MAST4: variants seen among roughly 807,000 people sequenced by gnomAD.
The protein encoded by MAST4 is microtubule associated serine/threonine kinase family member 4, also known as microtubule-associated serine/threonine-protein kinase 4.
In MAST4, 89 loss-of-function variants were observed where a neutral mutation model predicts 162.7. The observed-to-expected ratio is 0.55, with a 90% CI of 0.46 to 0.65. MAST4 has a LOEUF of 0.65. Ranked by LOEUF, MAST4 falls within the 30% of genes least tolerant of loss-of-function variation. The pLI is 0.00. For missense variants in MAST4, 3,153 were observed against 3,374.0 expected, an observed-to-expected ratio of 0.93 and a Z score of 1.62; for synonymous variants, 1,479 against 1,361.1, an observed-to-expected ratio of 1.09 and a Z score of -1.91.
intron 8 of MAST4, among the ~76,000 whole-genome samples, chr5:67,101,225 C>G (rs1386286724): frequency 1.3e-5 from 2 of 152,128 alleles, no homozygotes; most frequent in Non-Finnish European, 2.9e-5. Context: ...AAGGGAGAGG[C>G]AGGATTGGAC....
intron 3 of MAST4, among the ~76,000 whole-genome samples, chr5:66,846,268 T>C (rs991414096): frequency 2.0e-5 from 3 of 152,200 alleles, no homozygotes; most frequent in African/African-American, 7.2e-5. Context: ...GTAGAAGTTG[T>C]ATCTGGGATA....
intron 3 of MAST4, among the ~76,000 whole-genome samples, chr5:66,849,314 C>T (rs186344801): frequency 2.4e-4 from 36 of 152,244 alleles, no homozygotes; most frequent in African/African-American, 6.7e-4. Flanking sequence ...ATCAAGTCTT[C>T]GCTAAGGAAA....
chr5:66,936,556 C>T (rs182545318), intron 4 of MAST4, among the ~76,000 whole-genome samples: 22 of 152,162 alleles, frequency 1.4e-4, no homozygotes, highest in African/African-American at 4.6e-4. Context: ...GGCAGGAGTA[C>T]GGGTCACAAG....
intron 4 of MAST4, chr5:66,917,112 C>G (rs1764164369): frequency 2.8e-6 from 2 of 706,790 alleles, no homozygotes; most frequent in Non-Finnish European, 5.3e-6. Flanking sequence ...TACATTCTCA[C>G]CAGCACTGGA....
At chr5:67,053,691 C>A (rs945761895) in intron 4 of MAST4, among the ~76,000 whole-genome samples, 1 of 152,116 alleles carries the variant, frequency 6.6e-6, no homozygotes, top group Non-Finnish European at 1.5e-5. Context: ...TTATAACTTC[C>A]TTCTAGCAGA....
intron 4 of MAST4, among the ~76,000 whole-genome samples, chr5:66,992,421 GTC>G (rs1219666864): frequency 1.3e-5 from 2 of 152,200 alleles, no homozygotes; most frequent in African/African-American, 4.8e-5. Context: ...TGGGAAGCCT[GTC>G]TCTAAATTCT....
rs377174194 is a variant in MAST4, at chr5:66,893,184, T to TTTTTG, written c.643-6747_643-6743dup. Among the ~76,000 whole-genome samples, 15 of 152,168 alleles carry TTTTTG rather than the reference T, an allele frequency of 9.9e-5. No homozygotes were observed. In the South Asian group the frequency reaches 1.7e-3, roughly 17 times the overall value. On this transcript the variant is annotated intron_variant, in intron 3 of 28. Coordinates refer to ENST00000403625, the MANE Select transcript of MAST4 (RefSeq NM_001164664.2). Reference sequence around the variant, plus strand: ...TTTTAGCCTTTTGTGGTTTATTTTGTTTTTGTTTTGTTTTGTTTTGTTTTT... The same window carrying TTTTTG: ...TTTTAGCCTTTTGTGGTTTATTTTGTTTTTGTTTTGTTTTGTTTTGTTTTGTTTTT...
chr5:66,846,283 G>A (rs751555572), intron 3 of MAST4, among the ~76,000 whole-genome samples: 13 of 152,280 alleles, frequency 8.5e-5, no homozygotes, highest in African/African-American at 2.9e-4. Flanking sequence ...GGGATAACAC[G>A]GAAGCTCAGA....
intron 3 of MAST4, among the ~76,000 whole-genome samples, chr5:66,889,956 G>A (rs553659989): frequency 2.0e-5 from 3 of 152,296 alleles, no homozygotes; most frequent in African/African-American, 7.2e-5. Flanking sequence ...TAATCACTAT[G>A]AAACATACAA....
chr5:66,902,487 G>A (rs1164166625), intron 4 of MAST4, among the ~76,000 whole-genome samples: 1 of 152,162 alleles, frequency 6.6e-6, no homozygotes, highest in Non-Finnish European at 1.5e-5. Flanking sequence ...GCTTTCAGAA[G>A]TGAAAGACCA....
chr5:67,076,063 T>G (rs1408993482), intron 5 of MAST4, among the ~76,000 whole-genome samples: 1 of 152,052 alleles, frequency 6.6e-6, no homozygotes, highest in Non-Finnish European at 1.5e-5. Flanking sequence ...GATTGCCCAG[T>G]GGCCTAATCT....
chr5:66,995,920 TA>T (rs376316234), intron 4 of MAST4, among the ~76,000 whole-genome samples: 1 of 146,380 alleles, frequency 6.8e-6, no homozygotes, highest in African/African-American at 2.7e-5. Flanking sequence ...CACAAACTTG[TA>T]AAAAAACATG....
intron 1 of MAST4, among the ~76,000 whole-genome samples, chr5:66,598,623 C>G (rs945370698): frequency 6.6e-6 from 1 of 152,206 alleles, no homozygotes; most frequent in Admixed American, 6.5e-5. Context: ...CCCTTAACTT[C>G]TGCCTCCACT....
At chr5:66,916,967 C>CT (rs1289050775) in intron 4 of MAST4, 1 of 717,792 alleles carries the variant, frequency 1.4e-6, no homozygotes, top group East Asian at 2.7e-5. Context: ...CGTACTGGTC[C>CT]TTTTTTCTCC....
intron 3 of MAST4, among the ~76,000 whole-genome samples, chr5:66,809,387 C>A (rs573881528): frequency 6.6e-6 from 1 of 152,318 alleles, no homozygotes; most frequent in African/African-American, 2.4e-5. Context: ...TTGTGATTGG[C>A]AGTTGATCAA....
chr5:66,974,113 C>T lies in MAST4; in HGVS notation c.674+74131C>T, dbSNP rs528966672. ...AATGTTACTGTATCAAAGGCCTTCC[C>T]CGGCCACTCTATGAGAACACCACCA... On this transcript the variant is annotated intron_variant, in intron 4 of 28. Coordinates refer to ENST00000403625, the MANE Select transcript of MAST4 (RefSeq NM_001164664.2). Among the ~76,000 whole-genome samples, 8 of 152,280 alleles carry T rather than the reference C, an allele frequency of 5.3e-5. No homozygotes were observed. In the South Asian group the frequency reaches 1.7e-3, roughly 32 times the overall value.
intron 1 of MAST4, among the ~76,000 whole-genome samples, chr5:66,683,386 A>G (rs1184135082): frequency 6.6e-6 from 1 of 152,132 alleles, no homozygotes; most frequent in Non-Finnish European, 1.5e-5. Context: ...CTTTGTATTT[A>G]AAAGGTACAT....
At chr5:66,619,845 T>C (rs1365600424) in intron 1 of MAST4, among the ~76,000 whole-genome samples, 1 of 151,864 alleles carries the variant, frequency 6.6e-6, no homozygotes, top group African/African-American at 2.4e-5. Context: ...TTTGAAACAA[T>C]AGATTTGTAA....
intron 4 of MAST4, chr5:66,902,666 G>T: frequency 2.1e-6 from 1 of 470,360 alleles, no homozygotes. Flanking sequence ...AGCAGTGATT[G>T]TGACTGGGTA....
Sources: gnomAD v4.1 joint callset for allele counts (sites outside exome capture counted in the v4.1 genomes callset) on GRCh38, gnomAD v4.1.1 for gene constraint, MANE v1.5 for transcripts, NCBI Gene and HGNC (gene_info 2026-07-23, HGNC 2026-07-21) for gene names.